The following PRDM10 variants were observed in gnomAD, a reference collection of about 807,000 sequenced individuals.
PRDM10 encodes PR/SET domain 10.
A neutral mutation model predicts 133.1 loss-of-function variants in PRDM10; 65 were observed. The ratio of observed to expected loss-of-function variants is 0.49; its 90% CI spans 0.40 to 0.60. PRDM10 has a LOEUF of 0.60. PRDM10 is among the 20% of genes least tolerant of loss of function. The probability of loss-of-function intolerance (pLI) is 0.00; values close to 1 mark genes in which losing one functional copy is unlikely to be tolerated. For synonymous variants in PRDM10, 582 were observed against 580.4 expected (o/e 1.00, Z -0.04); for missense variants, 1,137 against 1,507.1 (o/e 0.75, Z 4.07).
At chr11:129,944,187 G>A (rs1388373191) in intron 6 of PRDM10, among the ~76,000 whole-genome samples, 1 of 152,144 alleles carries the variant, frequency 6.6e-6, no homozygotes, top group East Asian at 1.9e-4. Flanking sequence ...CCGGAACAGT[G>A]AGAAACTAAA....
rs57268294 is a variant in PRDM10, at chr11:129,905,363, G to GAAAAAAAAAAAA, written c.3267+263_3267+274dup. ...GGCGACACAGCAAGACTCTGTCTCAGAAAAAAAAAAAAAAAAAAAAGGCTC... is the reference window on the plus strand; with the variant it reads ...GGCGACACAGCAAGACTCTGTCTCAGAAAAAAAAAAAAAAAAAAAAAAAAAAAAAAAAGGCTC... On this transcript the variant is annotated intron_variant, in intron 20 of 20. Transcript: ENST00000360871. 1.0e-4 allele frequency among the ~76,000 whole-genome samples: 7 copies of GAAAAAAAAAAAA among 69,444 alleles called. 2 individuals are homozygous for GAAAAAAAAAAAA. Among genetic ancestry groups the GAAAAAAAAAAAA allele is most frequent in the Admixed American group, 1.9e-4 (1 of 5,322 alleles). 45.6% of individuals were successfully genotyped at this position (69,444 alleles called of 152,430 possible). A position where few individuals can be genotyped will look rare whatever the true frequency, so the allele number is the denominator to read the frequency against.
At chr11:129,977,893 G>A (rs2135961512) in intron 1 of PRDM10, among the ~76,000 whole-genome samples, 1 of 152,160 alleles carries the variant, frequency 6.6e-6, no homozygotes, top group East Asian at 1.9e-4. Context: ...GAAGGTTGAG[G>A]TTCCAGTGAG....
rs758557663 is a variant in PRDM10, at chr11:129,944,398, C to CCTGTGAAT, written c.762+372_762+373insATTCACAG. On this transcript the variant is annotated intron_variant, in intron 6 of 20. Coordinates refer to ENST00000360871, the MANE Select transcript of PRDM10 (RefSeq NM_199437.2). ...TCACGAGGTCAGGAGATCGAGACCA[C>CCTGTGAAT]GGTGAAACCCCGTCTCTACTAAAAA... Among the ~76,000 whole-genome samples the CCTGTGAAT allele has an allele frequency of 9.3e-5, 14 of 150,560 alleles. No homozygotes were observed. In the East Asian group the frequency reaches 2.7e-3, roughly 29 times the overall value.
rs566318693 is a variant in PRDM10, at chr11:129,944,539, C to T, written c.762+232G>A. Among the ~76,000 whole-genome samples, 56 of 150,532 alleles carry T rather than the reference C, an allele frequency of 3.7e-4. 2 individuals carry two copies. In the East Asian group the frequency reaches 9.6e-3, roughly 26 times the overall value. ...GGCGGAGCTTGCAGTGAGCCGAGATCGCGCCACTGCACTCCAGCCTGGGCG... is the reference window on the plus strand; with the variant it reads ...GGCGGAGCTTGCAGTGAGCCGAGATTGCGCCACTGCACTCCAGCCTGGGCG... On this transcript the variant is annotated intron_variant, in intron 6 of 20. Transcript: ENST00000360871.
chr11:130,002,554 T>TCC (rs566809117), intron 1 of PRDM10, among the ~76,000 whole-genome samples, 168 bp downstream of exon 1: 14 of 141,514 alleles, frequency 9.9e-5, no homozygotes, highest in Admixed American at 3.5e-4. Context: ...CACCATCAAT[T>TCC]CCCCCCCCAC....
chr11:129,923,513 T>C lies in PRDM10; in HGVS notation c.1879-110A>G, dbSNP rs1950575453. ...CCAAACGCATTACCATGGGTTTTCA[T>C]CAACCCCGCCGAGGAATCCAATCAG... is the stretch of plus-strand genomic sequence containing the variant. On this transcript the variant is annotated intron_variant, in intron 12 of 20. Coordinates refer to ENST00000360871, the MANE Select transcript of PRDM10 (RefSeq NM_199437.2). The surrounding 1 kb of genome is among the most constrained non-coding windows in gnomAD (Gnocchi z 4.4). 1.7e-6 allele frequency: 2 copies of C among 1,198,062 alleles called. No homozygotes were observed. Among genetic ancestry groups the C allele is most frequent in the South Asian group, 3.2e-5 (2 of 61,848 alleles). 74.2% of individuals were successfully genotyped at this position (1,198,062 alleles called of 1,614,324 possible). A position where few individuals can be genotyped will look rare whatever the true frequency, so the allele number is the denominator to read the frequency against.
At chr11:129,992,205 T>TA (rs1938794576) in intron 1 of PRDM10, among the ~76,000 whole-genome samples, 6 of 152,180 alleles carry the variant, frequency 3.9e-5, no homozygotes, top group Admixed American at 3.9e-4. Context: ...CTCTTTATTT[T>TA]AAAAATCAGT....
At chr11:129,992,211 T>A (rs1361376486) in intron 1 of PRDM10, among the ~76,000 whole-genome samples, 2 of 152,144 alleles carry the variant, frequency 1.3e-5, no homozygotes, top group African/African-American at 4.8e-5. Flanking sequence ...ATTTTAAAAA[T>A]CAGTATAATC....
chr11:129,912,082 T>G lies in PRDM10; in HGVS notation c.2982+3A>C, dbSNP rs201540835. The G allele has an allele frequency of 8.7e-5, 140 of 1,603,126 alleles. No individual in the cohort carries two copies. The highest frequency in any genetic ancestry group is 1.6e-5 in the Non-Finnish European group (19 of 1,174,910). ...CCTCCAAATAGTCTGTGGAGCAGGG[T>G]ACCTGGGCGGAGGACGGGGCCGAGG... On this transcript the variant is annotated splice_donor_region_variant and intron_variant, in intron 18 of 20. Coordinates refer to ENST00000360871, the MANE Select transcript of PRDM10 (RefSeq NM_199437.2).
intron 17 of PRDM10, among the ~76,000 whole-genome samples, chr11:129,912,764 A>G (rs1372711652): frequency 6.8e-6 from 1 of 146,066 alleles, no homozygotes; most frequent in Non-Finnish European, 1.5e-5. Context: ...AAAAAAAAAA[A>G]AAATTAGTCA....
chr11:129,938,928 C>T (rs1040363754), intron 7 of PRDM10, among the ~76,000 whole-genome samples: 4 of 152,226 alleles, frequency 2.6e-5, no homozygotes, highest in African/African-American at 9.6e-5. Flanking sequence ...CCAAGTGCTT[C>T]ACCATCCCAA....
intron 4 of PRDM10, among the ~76,000 whole-genome samples, chr11:129,954,261 T>C (rs550938326): frequency 7.9e-6 from 1 of 126,460 alleles, no homozygotes. Flanking sequence ...TAATTTAATT[T>C]ATTTATTTTT....
chr11:129,950,699 T>C (rs575368084), intron 4 of PRDM10, among the ~76,000 whole-genome samples: 1 of 152,338 alleles, frequency 6.6e-6, no homozygotes, highest in African/African-American at 2.4e-5. Context: ...CCAGGGTTAG[T>C]GATAAATGTT....
chr11:129,911,491 T>C (rs541287877), intron 18 of PRDM10, among the ~76,000 whole-genome samples: 8 of 152,342 alleles, frequency 5.3e-5, no homozygotes, highest in African/African-American at 1.9e-4. Context: ...CCCAACTTCC[T>C]TTCCAAACAT....
chr11:129,984,811 C>T (rs1309878893), intron 1 of PRDM10, among the ~76,000 whole-genome samples: 5 of 152,180 alleles, frequency 3.3e-5, no homozygotes, highest in Non-Finnish European at 5.9e-5. Flanking sequence ...ACTCTCCTTC[C>T]GCTCATCCAG....
rs1023645183 is a variant in PRDM10, at chr11:129,966,927, T to G, written c.-118-5845A>C. Among the ~76,000 whole-genome samples the G allele has an allele frequency of 9.5e-4, 145 of 152,246 alleles. 1 individual carries two copies. The highest frequency in any genetic ancestry group is 1.9e-4 in the Non-Finnish European group (13 of 67,996). ...ATGAAGAACTCCGAGTCCAAAAAGA[T>G]TCTGAAGAATCAGACTCTTGGAGAA... is the stretch of plus-strand genomic sequence containing the variant. On this transcript the variant is annotated intron_variant, in intron 1 of 20. Coordinates refer to ENST00000360871, the MANE Select transcript of PRDM10 (RefSeq NM_199437.2).
chr11:129,912,399 G>A (rs1241126638), intron 17 of PRDM10, among the ~76,000 whole-genome samples, 174 bp from the exon 18 acceptor site: 2 of 152,010 alleles, frequency 1.3e-5, no homozygotes, highest in African/African-American at 4.8e-5. Flanking sequence ...GAGCCCAGGA[G>A]TTCGAGACCA....
intron 1 of PRDM10, among the ~76,000 whole-genome samples, chr11:129,988,871 C>T (rs542706427): frequency 2.6e-4 from 36 of 140,984 alleles, no homozygotes; most frequent in African/African-American, 1.0e-3. Flanking sequence ...CCTCGTGATC[C>T]GCCCGCCTTG....
chr11:129,910,306 G>A (rs1882360), intron 19 of PRDM10, among the ~76,000 whole-genome samples, 170 bp downstream of exon 19: 40,220 of 152,068 alleles, frequency 0.26, 9,567 homozygotes, highest in African/African-American at 0.61. Flanking sequence ...CTGTGAAAGC[G>A]GAATGCTACA....
Sources: gnomAD v4.1 joint callset for allele counts (sites outside exome capture counted in the v4.1 genomes callset) on GRCh38, gnomAD v4.1.1 for gene constraint, Gnocchi (gnomAD v3.1) non-coding constraint, MANE v1.5 for transcripts, NCBI Gene and HGNC (gene_info 2026-07-23, HGNC 2026-07-21) for gene names.